The following CRB1 variants were observed in gnomAD, a reference collection of about 807,000 sequenced individuals.
The protein encoded by CRB1 is crumbs cell polarity complex component 1.
Under a neutral mutation model 120.0 loss-of-function variants are expected in CRB1, and 83 were observed. That is an observed-to-expected ratio of 0.69 (90% confidence interval 0.58 to 0.83). The LOEUF (loss-of-function observed/expected upper bound fraction) is 0.83. CRB1 is among the 40% of genes least tolerant of loss of function. The probability of loss-of-function intolerance (pLI) is 0.00; values close to 1 mark genes in which losing one functional copy is unlikely to be tolerated. For synonymous variants in CRB1, 625 were observed against 612.5 expected (o/e 1.02, Z -0.30); for missense variants, 1,699 against 1,687.6 (o/e 1.01, Z -0.12).
At chr1:197,282,893 C>A (rs530332096) in intron 1 of CRB1, among the ~76,000 whole-genome samples, 35 of 151,748 alleles carry the variant, frequency 2.3e-4, no homozygotes, top group Non-Finnish European at 4.1e-4. Context: ...TATAAGTCCC[C>A]TCTCCTGGGT....
intron 1 of CRB1, among the ~76,000 whole-genome samples, chr1:197,321,070 G>A (rs560661585): frequency 4.6e-5 from 7 of 152,224 alleles, no homozygotes; most frequent in East Asian, 1.9e-4. Flanking sequence ...ATGAAGCCTC[G>A]GAATTCATTA....
chr1:197,222,217 G>C, the CRB1 span: 1 of 490,438 alleles, frequency 2.0e-6, no homozygotes, highest in Non-Finnish European at 3.9e-6. Context: ...GGCCGCAGCG[G>C]CACCATGATT....
the CRB1 span, among the ~76,000 whole-genome samples, chr1:197,226,907 T>C: frequency 6.6e-6 from 1 of 152,076 alleles, no homozygotes; most frequent in Non-Finnish European, 1.5e-5. Context: ...GATAAAACCA[T>C]TGGATCTTGT....
intron 1 of CRB1, among the ~76,000 whole-genome samples, chr1:197,272,979 A>G (rs1263885540): frequency 6.6e-6 from 1 of 152,200 alleles, no homozygotes; most frequent in African/African-American, 2.4e-5. Flanking sequence ...TTACAAATGT[A>G]TGAGATAATC....
chr1:197,278,813 C>T (rs1655365028), intron 1 of CRB1, among the ~76,000 whole-genome samples: 1 of 151,788 alleles, frequency 6.6e-6, no homozygotes, highest in Non-Finnish European at 1.5e-5. Context: ...ATTATTTCAG[C>T]AACTATATAT....
chr1:197,270,929 G>A (rs543649668), intron 1 of CRB1, among the ~76,000 whole-genome samples: 51 of 152,190 alleles, frequency 3.4e-4, no homozygotes, highest in Non-Finnish European at 6.0e-4. Context: ...ATCCAGGTAT[G>A]GTGGCTCAAG....
At chr1:197,296,534 A>T (rs1242875030) in intron 1 of CRB1, among the ~76,000 whole-genome samples, 1 of 152,082 alleles carries the variant, frequency 6.6e-6, no homozygotes, top group Non-Finnish European at 1.5e-5. Flanking sequence ...AGGTAAGAAG[A>T]GAGTGATAGA....
intron 5 of CRB1, among the ~76,000 whole-genome samples, chr1:197,370,252 C>T (rs1347787960): frequency 6.6e-6 from 1 of 151,446 alleles, no homozygotes; most frequent in Non-Finnish European, 1.5e-5. Context: ...AAAAAAACCG[C>T]AAGGTATTTA....
At chr1:197,432,424 C>G (rs543104380) in intron 8 of CRB1, among the ~76,000 whole-genome samples, 2 of 146,142 alleles carry the variant, frequency 1.4e-5, no homozygotes, top group Non-Finnish European at 3.0e-5. Flanking sequence ...ACAATAAGAT[C>G]AAAGGAATTG....
At chr1:197,386,561 T>A (rs1284288608) in intron 5 of CRB1, among the ~76,000 whole-genome samples, 1 of 152,162 alleles carries the variant, frequency 6.6e-6, no homozygotes, top group Non-Finnish European at 1.5e-5. Flanking sequence ...AACAACATGA[T>A]CTGGAAGTTG....
the CRB1 span, among the ~76,000 whole-genome samples, chr1:197,259,275 A>G: frequency 6.6e-6 from 1 of 152,274 alleles, no homozygotes; most frequent in South Asian, 2.1e-4. Context: ...CATGGAATCA[A>G]TCCAAATGCC....
intron 5 of CRB1, among the ~76,000 whole-genome samples, chr1:197,381,812 T>C (rs1232501266): frequency 6.6e-6 from 1 of 152,232 alleles, no homozygotes; most frequent in East Asian, 1.9e-4. Flanking sequence ...ATTGGTGAAG[T>C]CAACTACATA....
chr1:197,221,931 A>G, the CRB1 span, among the ~76,000 whole-genome samples: 2 of 152,180 alleles, frequency 1.3e-5, no homozygotes, highest in African/African-American at 2.4e-5. Flanking sequence ...CTCTTCCAAT[A>G]TTGGGCAACT....
the CRB1 span, chr1:197,223,300 G>T: frequency 1.4e-6 from 1 of 728,198 alleles, no homozygotes; most frequent in East Asian, 2.6e-5. Flanking sequence ...GAAATTGGCT[G>T]TTTTGTTAAA....
chr1:197,429,453 A>G lies in CRB1; in HGVS notation c.2681A>G (p.Asn894Ser), dbSNP rs62636290. The stretch of plus-strand genomic sequence containing the variant: ...TTTGATTTCTTTTCTGCTCAGTCCA[A>G]CCCCTGTCACAATGGAGGTGTTTGC... The part of the protein sequence containing the change: ...GCAGDNSCKS[N>S]PCHNGGVCHS... Residue 894 changes from asparagine (N) to serine (S), a missense_variant, in exon 8 of 12, where the codon AAC (asparagine) becomes AGC (serine). Transcript: ENST00000367400. The G allele has an allele frequency of 1.3e-4, 204 of 1,613,134 alleles. No homozygotes were observed. The highest frequency in any genetic ancestry group is 1.6e-4 in the Middle Eastern group (1 of 6,080).
chr1:197,466,405 A>C (rs1045886721), intron 11 of CRB1, among the ~76,000 whole-genome samples: 1 of 152,014 alleles, frequency 6.6e-6, no homozygotes, highest in African/African-American at 2.4e-5. Context: ...TTTTTTTCAG[A>C]GGTTTGAATC....
chr1:197,286,281 G>T (rs1558029889), intron 1 of CRB1, among the ~76,000 whole-genome samples: 1 of 151,808 alleles, frequency 6.6e-6, no homozygotes, highest in African/African-American at 2.4e-5. Flanking sequence ...ATTGAGAACC[G>T]AATACTTAGA....
In CRB1 at chr1:197,319,259, T is replaced by TAAAA. The variant is rs1284967148; in HGVS notation, c.71-9147_71-9144dup. ...CAACATAGTGAAACCCTGTCTCTAC[T>TAAAA]AAAAAAAAAAAAAAAAAAATTAGCC... is the stretch of plus-strand genomic sequence containing the variant. On this transcript the variant is annotated intron_variant, in intron 1 of 11. Transcript: ENST00000367400. 7.9e-3 allele frequency among the ~76,000 whole-genome samples: 387 copies of TAAAA among 49,046 alleles called. 44 individuals are homozygous for TAAAA. Among genetic ancestry groups the TAAAA allele is most frequent in the African/African-American group, 0.029 (330 of 11,420 alleles). 32.2% of individuals were successfully genotyped at this position (49,046 alleles called of 152,430 possible). A position where few individuals can be genotyped will look rare whatever the true frequency, so the allele number is the denominator to read the frequency against.
chr1:197,462,815 T>G (rs1666587677), intron 11 of CRB1, among the ~76,000 whole-genome samples: 1 of 152,052 alleles, frequency 6.6e-6, no homozygotes, highest in Non-Finnish European at 1.5e-5. Flanking sequence ...ATTACAATTA[T>G]CTACATCTCA....
Sources: gnomAD v4.1 joint callset for allele counts (sites outside exome capture counted in the v4.1 genomes callset) on GRCh38, gnomAD v4.1.1 for gene constraint, MANE v1.5 for transcripts, NCBI Gene and HGNC (gene_info 2026-07-23, HGNC 2026-07-21) for gene names.